C1orf174: variants seen among roughly 807,000 people sequenced by gnomAD.
C1orf174 encodes the protein UPF0688 protein C1orf174.
C1orf174 carries 13 observed loss-of-function variants against 18.4 expected under a neutral mutation model. That is an observed-to-expected ratio of 0.71 (90% confidence interval 0.46 to 1.12). The LOEUF is 1.12. C1orf174 is among the 50% of genes most tolerant of loss of function. The pLI is 0.00. For missense variants in C1orf174, 309 were observed against 308.0 expected, an observed-to-expected ratio of 1.00 and a Z score of -0.02; for synonymous variants, 100 against 118.3, an observed-to-expected ratio of 0.85 and a Z score of 1.01.
intron 1 of C1orf174, chr1:3,895,525 C>CT (rs1447658615): frequency 8.5e-6 from 1 of 117,610 alleles, no homozygotes; most frequent in Admixed American, 8.0e-5. Context: ...GCTGGAAGCG[C>CT]TGGCTGTTAA....
At chr1:3,898,065 G>A (rs1638639210) in intron 1 of C1orf174, among the ~76,000 whole-genome samples, 1 of 152,216 alleles carries the variant, frequency 6.6e-6, no homozygotes, top group African/African-American at 2.4e-5. Context: ...GCAAAATCTT[G>A]AAAGAGAACA....
At chr1:3,896,245 T>C (rs1638603764) in intron 1 of C1orf174, 1 of 152,756 alleles carries the variant, frequency 6.5e-6, no homozygotes. Flanking sequence ...GCTCAGACCC[T>C]ATTTGTAGAA....
At chr1:3,898,887 T>C (rs900261839) in intron 1 of C1orf174, among the ~76,000 whole-genome samples, 2 of 152,198 alleles carry the variant, frequency 1.3e-5, no homozygotes, top group African/African-American at 2.4e-5. Flanking sequence ...TTATCAGATG[T>C]AATACATATA....
At chr1:3,899,983 T>C in intron 1 of C1orf174, among the ~76,000 whole-genome samples, 189 bp downstream of exon 1, 1 of 152,110 alleles carries the variant, frequency 6.6e-6, no homozygotes, top group East Asian at 1.9e-4. Context: ...CACAGGGGCG[T>C]GACCTGGCAG....
chr1:3,896,014 C>T (rs1290332146), intron 1 of C1orf174: 1 of 152,696 alleles, frequency 6.5e-6, no homozygotes, highest in Admixed American at 6.5e-5. Context: ...ACACTTGCTC[C>T]AGAACACCTA....
Position 3,890,779 on chromosome 1 carries a change from T to C in C1orf174, c.408A>G (p.Arg136=), listed in dbSNP as rs541258312. The stretch of plus-strand genomic sequence containing the variant: ...TGTGTTTTGGCACGGACAGGCCATC[T>C]CTAGTCTTTGCTAAGCGAGAGTCAC... ...VVSDSRLAKT[R]DGLSVPKHSA... Residue 136 remains arginine (R), a synonymous_variant, in exon 3 of 4, where the codon AGA becomes AGG. Transcript: ENST00000361605. The C allele has an allele frequency of 1.7e-5, 27 of 1,613,862 alleles. No individual in the cohort carries two copies. The East Asian group carries it at 5.8e-4, about 35-fold the overall frequency.
chr1:3,891,670 G>A, intron 2 of C1orf174: 1 of 986,122 alleles, frequency 1.0e-6, no homozygotes, highest in Non-Finnish European at 1.2e-6. Flanking sequence ...GGCTGGGCTA[G>A]GGTGAACGGC....
intron 1 of C1orf174, among the ~76,000 whole-genome samples, chr1:3,893,824 G>A (rs546030002): frequency 1.3e-5 from 2 of 152,284 alleles, no homozygotes; most frequent in African/African-American, 2.4e-5. Context: ...TTGATCCCAG[G>A]AGTCTGAGGC....
At chr1:3,896,059 A>T (rs1239179778) in intron 1 of C1orf174, 1 of 152,720 alleles carries the variant, frequency 6.5e-6, no homozygotes, top group African/African-American at 2.4e-5. Context: ...AGTCTGTGGC[A>T]CTTGAGCTCC....
Position 3,891,127 on chromosome 1 carries a change from T to C in C1orf174, c.130-70A>G, listed in dbSNP as rs566782192. On this transcript the variant is annotated intron_variant, in intron 2 of 3. Coordinates refer to ENST00000361605, the MANE Select transcript of C1orf174 (RefSeq NM_207356.3). ...ATAAAACAGGCCTCAATCCAGAGGC[T>C]AGTATTTCTTCTCACATCGGAAATG... is the stretch of plus-strand genomic sequence containing the variant. 1,021 of 1,477,690 alleles carry C rather than the reference T, an allele frequency of 6.9e-4. 12 individuals carry two copies. The South Asian group carries it at 0.013, about 19-fold the overall frequency. 91.5% of individuals were successfully genotyped at this position (1,477,690 alleles called of 1,614,324 possible).
chr1:3,898,516 AAACAACAACAACAAC>A (rs774183697), intron 1 of C1orf174, among the ~76,000 whole-genome samples: 5 of 139,228 alleles, frequency 3.6e-5, no homozygotes, highest in Admixed American at 7.0e-5. Context: ...CTCAAAGCAA[AAACAACAACAACAAC>A]AACAACAACA....
intron 1 of C1orf174, among the ~76,000 whole-genome samples, chr1:3,898,650 C>A: frequency 6.6e-6 from 1 of 152,176 alleles, no homozygotes; most frequent in South Asian, 2.1e-4. Context: ...AAAAACAGCA[C>A]CAGTAAAGGT....
At chr1:3,895,335 A>T (rs1638587629) in intron 1 of C1orf174, 1 of 152,276 alleles carries the variant, frequency 6.6e-6, no homozygotes, top group Non-Finnish European at 1.5e-5. Flanking sequence ...GTGGGGATTG[A>T]ACTGAAGAAG....
chr1:3,896,936 C>A (rs1638616449), intron 1 of C1orf174, among the ~76,000 whole-genome samples: 1 of 152,132 alleles, frequency 6.6e-6, no homozygotes, highest in African/African-American at 2.4e-5. Context: ...CTGGGTGCCA[C>A]CCCCCACCAG....
intron 2 of C1orf174, chr1:3,892,571 C>A (rs1487637662): frequency 8.9e-6 from 2 of 225,794 alleles, no homozygotes; most frequent in Admixed American, 7.3e-5. Context: ...GACACACACA[C>A]GGGTGGGCGG....
intron 1 of C1orf174, among the ~76,000 whole-genome samples, chr1:3,898,993 A>C (rs1638657917): frequency 6.6e-6 from 1 of 152,264 alleles, no homozygotes; most frequent in African/African-American, 2.4e-5. Context: ...TATATGGAGA[A>C]TATGAAGATT....
Position 3,889,840 on chromosome 1 carries a change from A to G in C1orf174, c.*120T>C. The G allele has an allele frequency of 1.1e-6, 1 of 907,100 alleles. No individual in the cohort carries two copies. The highest frequency in any genetic ancestry group is 1.4e-5 in the South Asian group (1 of 69,510). 56.2% of individuals were successfully genotyped at this position (907,100 alleles called of 1,614,324 possible). A position where few individuals can be genotyped will look rare whatever the true frequency, so the allele number is the denominator to read the frequency against. ...TTTGCACTATTGACTTAGATGGGTC[A>G]GTTCTGAAGTTTGATTAAGACATTC... On this transcript the variant is annotated 3_prime_UTR_variant, in exon 4 of 4. Coordinates refer to ENST00000361605, the MANE Select transcript of C1orf174 (RefSeq NM_207356.3).
chr1:3,891,186 G>T, intron 2 of C1orf174, 129 bp from the exon 3 acceptor site: 1 of 1,220,200 alleles, frequency 8.2e-7, no homozygotes, highest in Non-Finnish European at 1.1e-6. Context: ...TTCACAGATC[G>T]TCATTTCACT....
intron 2 of C1orf174, 72 bp from the exon 3 acceptor site, chr1:3,891,129 G>GT (rs1485452622): frequency 4.2e-5 from 62 of 1,480,736 alleles, no homozygotes; most frequent in Non-Finnish European, 5.2e-5. Flanking sequence ...CCAGAGGCTA[G>GT]TATTTCTTCT....
Sources: allele counts gnomAD v4.1 joint callset (sites outside exome capture counted in the v4.1 genomes callset), GRCh38; gene constraint gnomAD v4.1.1; transcripts MANE v1.5; gene names NCBI Gene and HGNC (gene_info 2026-07-23, HGNC 2026-07-21).